The following NRG1 variants were observed in gnomAD, a reference collection of about 807,000 sequenced individuals.
NRG1 encodes the protein neuregulin 1.
Under a neutral mutation model 63.8 loss-of-function variants are expected in NRG1, and 18 were observed. The observed-to-expected ratio is 0.28, with a 90% CI of 0.19 to 0.42. The LOEUF is 0.42. Among genes scored for constraint, NRG1 ranks in the 10% least tolerant of loss-of-function variants. NRG1 has a pLI of 1.00. For synonymous variants in NRG1, 302 were observed against 301.3 expected (o/e 1.00, Z -0.02); for missense variants, 762 against 814.7 (o/e 0.94, Z 0.79).
chr8:32,439,970 G>A (rs1819322245), intron 1 of NRG1, among the ~76,000 whole-genome samples: 1 of 152,016 alleles, frequency 6.6e-6, no homozygotes, highest in South Asian at 2.1e-4. Flanking sequence ...TTGCTGTAAA[G>A]AACTACCTGA....
At chr8:31,834,117 A>G (rs1259262229) in intron 1 of NRG1, among the ~76,000 whole-genome samples, 1 of 152,078 alleles carries the variant, frequency 6.6e-6, no homozygotes, top group African/African-American at 2.4e-5. Context: ...CCCTATCAAT[A>G]ATTTTACTCA....
chr8:32,625,782 T>C (rs1849124640), intron 5 of NRG1, among the ~76,000 whole-genome samples: 1 of 133,886 alleles, frequency 7.5e-6, no homozygotes, highest in Non-Finnish European at 1.7e-5. Context: ...CTCTTTTTTT[T>C]TTTTTCTTTT....
chr8:32,520,406 G>A (rs768048637), intron 1 of NRG1, among the ~76,000 whole-genome samples: 2 of 151,154 alleles, frequency 1.3e-5, no homozygotes, highest in South Asian at 2.1e-4. Context: ...GGATCCACCC[G>A]CCTCGGCTTC....
At chr8:32,684,052 C>T (rs923994797) in intron 5 of NRG1, among the ~76,000 whole-genome samples, 2 of 151,982 alleles carry the variant, frequency 1.3e-5, no homozygotes, top group Admixed American at 1.3e-4. Flanking sequence ...AAAAAACTAG[C>T]CAGGTATATT....
intron 1 of NRG1, among the ~76,000 whole-genome samples, chr8:31,919,497 A>G (rs557758055): frequency 1.7e-4 from 26 of 151,948 alleles, no homozygotes; most frequent in African/African-American, 5.8e-4. Flanking sequence ...AGGTTTAGGT[A>G]TTTTATAATA....
intron 1 of NRG1, among the ~76,000 whole-genome samples, chr8:32,181,802 A>C (rs773638477): frequency 3.3e-5 from 5 of 152,258 alleles, no homozygotes; most frequent in Non-Finnish European, 4.4e-5. Context: ...TATTACAGAG[A>C]TCACCAGCAC....
intron 6 of NRG1, among the ~76,000 whole-genome samples, chr8:32,735,173 AT>A (rs1376934937): frequency 1.3e-5 from 2 of 152,214 alleles, no homozygotes; most frequent in Non-Finnish European, 2.9e-5. Flanking sequence ...CATTGTGTAT[AT>A]ATACCACATT....
chr8:32,752,275 G>T lies in NRG1; in HGVS notation c.692-2097G>T, dbSNP rs532095718. 2.6e-5 allele frequency among the ~76,000 whole-genome samples: 4 copies of T among 152,208 alleles called. No individual in the cohort carries two copies. The South Asian group carries it at 8.3e-4, about 32-fold the overall frequency. On this transcript the variant is annotated intron_variant, in intron 7 of 11. Transcript: ENST00000356819. ...TCAGGATACCAAGATCAGGAAGAGA[G>T]GCTACAGCAGCAGCTTCAACCAGAT...
intron 5 of NRG1, among the ~76,000 whole-genome samples, chr8:32,627,209 T>C (rs1849461720): frequency 6.6e-6 from 1 of 152,146 alleles, no homozygotes; most frequent in African/African-American, 2.4e-5. Context: ...TTCTATAATT[T>C]ACCGTCAAGA....
intron 5 of NRG1, among the ~76,000 whole-genome samples, chr8:32,665,063 T>C (rs1803795615): frequency 2.0e-5 from 3 of 152,194 alleles, no homozygotes; most frequent in Admixed American, 2.0e-4. Flanking sequence ...AAAGACATTT[T>C]TACTTTACTT....
At chr8:31,864,314 A>T (rs67883841) in intron 1 of NRG1, among the ~76,000 whole-genome samples, 3 of 152,018 alleles carry the variant, frequency 2.0e-5, no homozygotes, top group African/African-American at 7.2e-5. Flanking sequence ...CTCTTAGTGC[A>T]GTAGAGACAC....
At chr8:31,772,420 G>A (rs1250948155) in intron 1 of NRG1, among the ~76,000 whole-genome samples, 1 of 152,178 alleles carries the variant, frequency 6.6e-6, no homozygotes. Flanking sequence ...TGCCTTTGCG[G>A]ACAGATTCAA....
At chr8:31,911,884 G>T (rs916478521) in intron 1 of NRG1, among the ~76,000 whole-genome samples, 3 of 152,200 alleles carry the variant, frequency 2.0e-5, no homozygotes, top group African/African-American at 7.2e-5. Context: ...TAATGGATCT[G>T]TGACATCCAA....
At chr8:32,695,072 C>A (rs769999714) in intron 5 of NRG1, among the ~76,000 whole-genome samples, 1 of 152,116 alleles carries the variant, frequency 6.6e-6, no homozygotes, top group Non-Finnish European at 1.5e-5. Flanking sequence ...AATTACTAAA[C>A]AGGCTGGGCA....
chr8:32,174,816 G>T (rs1235279131), intron 1 of NRG1, among the ~76,000 whole-genome samples: 1 of 152,098 alleles, frequency 6.6e-6, no homozygotes, highest in Non-Finnish European at 1.5e-5. Context: ...CCAATAAGAG[G>T]CTCTGAAATT....
At chr8:32,497,730 C>G (rs760902036) in intron 1 of NRG1, among the ~76,000 whole-genome samples, 44 of 152,158 alleles carry the variant, frequency 2.9e-4, no homozygotes, top group Admixed American at 6.5e-4. Flanking sequence ...AAAGGAAAAA[C>G]TTTTGCTCTT....
intron 1 of NRG1, among the ~76,000 whole-genome samples, chr8:32,017,574 A>G (rs1586502886): frequency 1.3e-5 from 2 of 152,206 alleles, no homozygotes; most frequent in African/African-American, 2.4e-5. Context: ...GTTGTTTTAC[A>G]TGCGCTTCTG....
chr8:32,359,680 A>G (rs929269414), intron 1 of NRG1, among the ~76,000 whole-genome samples: 11 of 152,178 alleles, frequency 7.2e-5, no homozygotes, highest in African/African-American at 2.4e-4. Flanking sequence ...CTCTTGTGGA[A>G]GTAGGTTTGG....
chr8:31,935,195 C>T (rs1454928207), intron 1 of NRG1, among the ~76,000 whole-genome samples: 3 of 152,036 alleles, frequency 2.0e-5, no homozygotes, highest in Non-Finnish European at 4.4e-5. Context: ...CAGCTCACTG[C>T]AACCTCAACC....
Sources: allele counts gnomAD v4.1 joint callset (sites outside exome capture counted in the v4.1 genomes callset), GRCh38; gene constraint gnomAD v4.1.1; transcripts MANE v1.5; gene names NCBI Gene and HGNC (gene_info 2026-07-23, HGNC 2026-07-21).